Variants in RTN4 observed in about 807,000 individuals in gnomAD.
RTN4 encodes reticulon 4, also known as reticulon-4.
Under a neutral mutation model 90.4 loss-of-function variants are expected in RTN4, and 32 were observed. That is an observed-to-expected ratio of 0.35 (90% CI 0.27 to 0.48). The LOEUF (loss-of-function observed/expected upper bound fraction) is 0.48. Among genes scored for constraint, RTN4 ranks in the 20% least tolerant of loss-of-function variants. The pLI is 0.99. For missense variants in RTN4, 1,706 were observed against 1,430.2 expected, an observed-to-expected ratio of 1.19 and a Z score of -3.11; for synonymous variants, 629 against 552.5, an observed-to-expected ratio of 1.14 and a Z score of -1.94.
At chr2:55,063,046 C>T (rs1668328805) in intron 2 of RTN4, among the ~76,000 whole-genome samples, 1 of 152,158 alleles carries the variant, frequency 6.6e-6, no homozygotes, top group Non-Finnish European at 1.5e-5. Flanking sequence ...TCTCTTATGA[C>T]CATGGAGCTA....
intron 2 of RTN4, among the ~76,000 whole-genome samples, chr2:55,074,689 A>G (rs56192835): frequency 6.6e-6 from 1 of 152,208 alleles, no homozygotes; most frequent in Admixed American, 6.5e-5. Flanking sequence ...ACAAAATACT[A>G]GTTTACCAAA....
At chr2:55,004,079 A>G (rs999659325) in intron 3 of RTN4, among the ~76,000 whole-genome samples, 57 of 152,274 alleles carry the variant, frequency 3.7e-4, no homozygotes, top group African/African-American at 1.4e-3. Flanking sequence ...GATGAAAAGA[A>G]ATTATTCTCC....
At chr2:55,045,306 G>A (rs576837961) in intron 1 of RTN4, among the ~76,000 whole-genome samples, 9 of 151,926 alleles carry the variant, frequency 5.9e-5, no homozygotes, top group East Asian at 1.9e-4. Flanking sequence ...CTATCAATTC[G>A]TCTTTCATAC....
upstream of RTN4, among the ~76,000 whole-genome samples, chr2:55,117,491 C>A (rs1668145877): frequency 1.3e-5 from 2 of 152,144 alleles, no homozygotes; most frequent in Non-Finnish European, 2.9e-5. Flanking sequence ...GCTCAAGGAG[C>A]ACAGTGAAAT....
At chr2:55,099,159 T>G (rs1247865691) in intron 1 of RTN4, among the ~76,000 whole-genome samples, 1 of 152,112 alleles carries the variant, frequency 6.6e-6, no homozygotes, top group Non-Finnish European at 1.5e-5. Context: ...CATGCACTAT[T>G]TAGTTACTGG....
chr2:55,037,360 T>G (rs1274279980), intron 1 of RTN4, among the ~76,000 whole-genome samples: 1 of 152,242 alleles, frequency 6.6e-6, no homozygotes. Flanking sequence ...TAAAAACATT[T>G]GTATTGTGAA....
At chr2:55,100,986 G>C (rs1667843124) in intron 1 of RTN4, among the ~76,000 whole-genome samples, 1 of 151,688 alleles carries the variant, frequency 6.6e-6, no homozygotes, top group Non-Finnish European at 1.5e-5. Flanking sequence ...TTTGTCAAGA[G>C]GAAAGTGTGA....
At chr2:54,991,901 A>G (rs1308872237) in intron 3 of RTN4, among the ~76,000 whole-genome samples, 1 of 152,350 alleles carries the variant, frequency 6.6e-6, no homozygotes, top group South Asian at 2.1e-4. Context: ...TGTATGAGAG[A>G]AACTTTTTAA....
Position 55,026,218 on chromosome 2 carries a change from A to G in RTN4, c.1881T>C (p.Ala627=). ...EAPLNSAVPS[A]GASVIQPSSS... Reference sequence around the variant, plus strand: ...AGCTGGGCTGTATCACGGAAGCACCAGCACTAGGAACTGCAGAATTCAATG... The same window carrying G: ...AGCTGGGCTGTATCACGGAAGCACCGGCACTAGGAACTGCAGAATTCAATG... Residue 627 remains alanine (A), a synonymous_variant, in exon 3 of 9, where the codon GCT becomes GCC. Coordinates refer to ENST00000337526, the MANE Select transcript of RTN4 (RefSeq NM_020532.5). 1 of 1,613,820 alleles carries G rather than the reference A, an allele frequency of 6.2e-7. No homozygotes were observed. Among genetic ancestry groups the G allele is most frequent in the Admixed American group, 1.7e-5 (1 of 59,900 alleles).
intron 1 of RTN4, among the ~76,000 whole-genome samples, chr2:55,032,260 A>G (rs1177415601): frequency 1.3e-5 from 2 of 152,072 alleles, no homozygotes; most frequent in African/African-American, 4.8e-5. Context: ...TTGTGTTTTT[A>G]GTAGAGACGG....
At chr2:55,044,723 A>G (rs2104955772) in intron 1 of RTN4, among the ~76,000 whole-genome samples, 2 of 142,864 alleles carry the variant, frequency 1.4e-5, no homozygotes, top group African/African-American at 5.2e-5. Context: ...GTTATTTATC[A>G]GTGGTTCCAC....
At chr2:55,133,000 C>A in the RTN4 span, among the ~76,000 whole-genome samples, 1 of 151,518 alleles carries the variant, frequency 6.6e-6, no homozygotes, top group Non-Finnish European at 1.5e-5. Flanking sequence ...TCACTTGAAG[C>A]CAGGAGTTCA....
rs547510424 is a variant in RTN4 at position 55,037,554 on chromosome 2, C to T, written c.557-9334G>A. On this transcript the variant is annotated intron_variant, in intron 1 of 8. Transcript: ENST00000337526. ...TGTGAAATGGAGCTGAGGGAACTGG[C>T]ACAAGAAAATGCTAATATTCTGGCT... Among the ~76,000 whole-genome samples the T allele has an allele frequency of 7.7e-4, 117 of 152,272 alleles. No homozygotes were observed. The Middle Eastern group carries it at 0.017, about 22-fold the overall frequency.
chr2:54,981,904 T>A (rs1678162846), intron 5 of RTN4, among the ~76,000 whole-genome samples: 1 of 148,718 alleles, frequency 6.7e-6, no homozygotes, highest in Non-Finnish European at 1.5e-5. Context: ...AAATTCCGAT[T>A]AATTTCCTTT....
At chr2:55,024,081 C>T (rs1460460297) in intron 3 of RTN4, among the ~76,000 whole-genome samples, 1 of 152,110 alleles carries the variant, frequency 6.6e-6, no homozygotes, top group Non-Finnish European at 1.5e-5. Context: ...TATCCAAAAC[C>T]AAATTTGTAT....
chr2:55,030,393 A>G (rs1256583856), intron 1 of RTN4, among the ~76,000 whole-genome samples: 2 of 152,204 alleles, frequency 1.3e-5, no homozygotes, highest in Non-Finnish European at 2.9e-5. Context: ...CAAGTACTAC[A>G]TTTCTAAAAG....
intron 2 of RTN4, among the ~76,000 whole-genome samples, chr2:55,057,208 A>T (rs1668205623): frequency 6.6e-6 from 1 of 152,278 alleles, no homozygotes; most frequent in South Asian, 2.1e-4. Context: ...GGTATTAAAT[A>T]TCTGCATAGC....
At chr2:55,098,889 T>G (rs1428004535) in intron 1 of RTN4, among the ~76,000 whole-genome samples, 1 of 152,148 alleles carries the variant, frequency 6.6e-6, no homozygotes, top group Non-Finnish European at 1.5e-5. Context: ...TCCTCTCTAT[T>G]TTCTAAATTG....
intron 1 of RTN4, among the ~76,000 whole-genome samples, chr2:55,039,555 G>C (rs1553445836): frequency 6.6e-6 from 1 of 152,206 alleles, no homozygotes; most frequent in Non-Finnish European, 1.5e-5. Context: ...CGAGGCAGGT[G>C]AATCACCTGA....
Sources: allele counts gnomAD v4.1 joint callset (sites outside exome capture counted in the v4.1 genomes callset), GRCh38; gene constraint gnomAD v4.1.1; transcripts MANE v1.5; gene names NCBI Gene and HGNC (gene_info 2026-07-23, HGNC 2026-07-21).